Variants in LRRC4B observed in about 807,000 individuals in gnomAD.
LRRC4B encodes the protein leucine rich repeat containing 4B.
LRRC4B carries 1 observed loss-of-function variant against 7.3 expected under a neutral mutation model. The observed-to-expected ratio is 0.14, with a 90% CI of 0.05 to 0.65. The LOEUF (loss-of-function observed/expected upper bound fraction) is 0.65. Among genes scored for constraint, LRRC4B ranks in the 30% least tolerant of loss-of-function variants. The pLI is 0.84. For synonymous variants in LRRC4B, 500 were observed against 499.2 expected, an observed-to-expected ratio of 1.00 and a Z score of -0.02; for missense variants, 730 against 1,041.6, an observed-to-expected ratio of 0.70 and a Z score of 4.12.
rs898744588 is a variant in LRRC4B, at chr19:50,525,578, G to T, written c.298-6163C>A. On this transcript the variant is annotated intron_variant, in intron 2 of 2. Transcript: ENST00000652263. ...CCTCCACCACACCCGGCTAATTTTT[G>T]TATTTTTTTTTTTTTTTTTTAGTAG... Among the ~76,000 whole-genome samples the T allele has an allele frequency of 4.5e-3, 576 of 127,702 alleles. 4 individuals are homozygous for T. Among genetic ancestry groups the T allele is most frequent in the Non-Finnish European group, 7.6e-3 (440 of 58,272 alleles). 83.8% of individuals were successfully genotyped at this position (127,702 alleles called of 152,430 possible). A position where few individuals can be genotyped will look rare whatever the true frequency, so the allele number is the denominator to read the frequency against.
intron 1 of LRRC4B, among the ~76,000 whole-genome samples, chr19:50,567,036 G>C (rs1367473784): frequency 6.6e-6 from 1 of 151,502 alleles, no homozygotes; most frequent in Non-Finnish European, 1.5e-5. Context: ...GTCAGAGATG[G>C]GGGTTAGAGA....
rs968695517 is a variant in LRRC4B at position 50,555,131 on chromosome 19, T to C, written c.-35-6258A>G. 1.3e-5 allele frequency among the ~76,000 whole-genome samples: 2 copies of C among 152,210 alleles called. No homozygotes were observed. Among genetic ancestry groups the C allele is most frequent in the Non-Finnish European group, 2.9e-5 (2 of 68,034 alleles). On this transcript the variant is annotated intron_variant, in intron 1 of 2. Coordinates refer to ENST00000652263, the MANE Select transcript of LRRC4B (RefSeq NM_001080457.2). This position sits in a 1 kb window ranked among gnomAD's most constrained non-coding sequence, Gnocchi z 5.2. ...CACCCCTAGTAGTGATGGGAAATAC[T>C]GATTACATGTGGGTGCCATGCTATC...
intron 2 of LRRC4B, among the ~76,000 whole-genome samples, chr19:50,521,422 A>ATTATT (rs376597814): frequency 6.6e-4 from 100 of 151,992 alleles, no homozygotes; most frequent in South Asian, 4.2e-3. Flanking sequence ...CCAGTGATAC[A>ATTATT]TTATTTTATT....
Position 50,517,614 on chromosome 19 carries a change from A to C in LRRC4B, c.2099T>G (p.Phe700Cys), listed in dbSNP as rs1297623189. Residue 700 changes from phenylalanine to cysteine, a missense_variant, in exon 3 of 3, where the codon TTC (phenylalanine) becomes TGC (cysteine). Phe to Cys is a radical substitution (Grantham distance 205). Transcript: ENST00000652263. The surrounding 1 kb of genome is among the most constrained non-coding windows in gnomAD (Gnocchi z 6.6). ...GLNSIHEPLL[F>C]KSGSKENVQE... ...CACGTTCTCCTTGGAGCCGCTCTTG[A>C]AGAGCAGAGGTTCGTGGATGGAGTT... The C allele has an allele frequency of 6.8e-7, 1 of 1,471,764 alleles. No homozygotes were observed. Among genetic ancestry groups the C allele is most frequent in the African/African-American group, 1.5e-5 (1 of 67,468 alleles). 91.2% of individuals were successfully genotyped at this position (1,471,764 alleles called of 1,614,324 possible).
intron 2 of LRRC4B, among the ~76,000 whole-genome samples, chr19:50,543,807 T>G (rs1183788644): frequency 5.1e-5 from 7 of 136,708 alleles, no homozygotes; most frequent in Middle Eastern, 3.8e-3. Flanking sequence ...GAGCCAAGAC[T>G]GTACCACTGC....
chr19:50,552,623 TCCA>T lies in LRRC4B; in HGVS notation c.-35-3753_-35-3751del, dbSNP rs1568733877. Among the ~76,000 whole-genome samples, 938 of 111,378 alleles carry T rather than the reference TCCA, an allele frequency of 8.4e-3. 36 individuals are homozygous for T. Among genetic ancestry groups the T allele is most frequent in the African/African-American group, 0.03 (864 of 29,186 alleles). The allele number at this position is 111,378 out of a possible 152,430, so 73.1% of individuals were successfully genotyped here. A position where few individuals can be genotyped will look rare whatever the true frequency, so the allele number is the denominator to read the frequency against. Reference sequence around the variant, plus strand: ...ATCCATCCATCCATCCATCCATCCATCCATTCATCCATCCGCCCATCCGTCCAT... The same window carrying T: ...ATCCATCCATCCATCCATCCATCCATTTCATCCATCCGCCCATCCGTCCAT... On this transcript the variant is annotated intron_variant, in intron 1 of 2. Coordinates refer to ENST00000652263, the MANE Select transcript of LRRC4B (RefSeq NM_001080457.2).
intron 1 of LRRC4B, among the ~76,000 whole-genome samples, chr19:50,559,762 A>C (rs575598676): frequency 1.3e-5 from 2 of 152,370 alleles, no homozygotes; most frequent in African/African-American, 2.4e-5. Context: ...AAAAGTCATA[A>C]AAAGCTGAAA....
Position 50,518,976 on chromosome 19 carries a change from G to A in LRRC4B, c.737C>T (p.Pro246Leu). ...GCTGGTGAGACCCTGGAAGGAGCCC[G>A]GGCGGATCAGGTCCAGCCGGTTGCC... is the stretch of plus-strand genomic sequence containing the variant. ...LSGNRLDLIR[P>L]GSFQGLTSLR... The change falls in exon 3 of 3, where the codon CCG becomes CTG. Residue 246 changes from proline (P) to leucine (L), a missense_variant. Physicochemically the swap from Pro to Leu is moderately conservative, Grantham distance 98 (BLOSUM62 -3). Coordinates refer to ENST00000652263, the MANE Select transcript of LRRC4B (RefSeq NM_001080457.2). 1.9e-6 allele frequency: 3 copies of A among 1,613,270 alleles called. No individual in the cohort carries two copies. Among genetic ancestry groups the A allele is most frequent in the Non-Finnish European group, 8.5e-7 (1 of 1,179,814 alleles).
rs1980375629 is a variant in LRRC4B, at chr19:50,518,099, G to A, written c.1614C>T (p.Thr538=). The A allele has an allele frequency of 6.3e-7, 1 of 1,596,760 alleles. No individual in the cohort carries two copies. Among genetic ancestry groups the A allele is most frequent in the Non-Finnish European group, 8.5e-7 (1 of 1,174,602 alleles). The change falls in exon 3 of 3, where the codon ACC becomes ACT. Residue 538 remains threonine, a synonymous_variant. Transcript: ENST00000652263. ...GDAAGPASSS[T]TAPAPRSSRP... is the part of the protein sequence containing the mutation. ...GCGAGGAGCGCGGGGCGGGTGCCGTGGTAGAAGACGAGGCAGGGCCGGCCG... is the reference window on the plus strand; with the variant it reads ...GCGAGGAGCGCGGGGCGGGTGCCGTAGTAGAAGACGAGGCAGGGCCGGCCG...
rs142937089 is a variant in LRRC4B at position 50,544,909 on chromosome 19, G to T, written c.297+3633C>A. Among the ~76,000 whole-genome samples, 31 of 151,918 alleles carry T rather than the reference G, an allele frequency of 2.0e-4. No individual in the cohort carries two copies. In the East Asian group the frequency reaches 6.0e-3, roughly 29 times the overall value. On this transcript the variant is annotated intron_variant, in intron 2 of 2. Coordinates refer to ENST00000652263, the MANE Select transcript of LRRC4B (RefSeq NM_001080457.2). ...GTCTTCATAAAAAAGAAAAAAAATC[G>T]AGACCATCCTGGCTAACACGGTGAA... is the stretch of plus-strand genomic sequence containing the variant.
intron 1 of LRRC4B, among the ~76,000 whole-genome samples, chr19:50,565,624 T>C (rs1214773946): frequency 1.3e-5 from 2 of 151,950 alleles, no homozygotes; most frequent in African/African-American, 2.4e-5. Context: ...TCCCACTCTC[T>C]GTCGCTGACT....
chr19:50,545,991 TG>T (rs1555808134), intron 2 of LRRC4B, among the ~76,000 whole-genome samples: 1 of 151,584 alleles, frequency 6.6e-6, no homozygotes, highest in Non-Finnish European at 1.5e-5. Context: ...CCCAAAGTGC[TG>T]GGATTACAGG....
chr19:50,545,198 G>A (rs1023315600), intron 2 of LRRC4B, among the ~76,000 whole-genome samples: 4 of 150,668 alleles, frequency 2.7e-5, no homozygotes, highest in Non-Finnish European at 4.4e-5. Flanking sequence ...ATCTGAGGTC[G>A]GGAGTTCGAG....
intron 2 of LRRC4B, among the ~76,000 whole-genome samples, chr19:50,547,701 GC>G (rs1186922796): frequency 6.7e-6 from 1 of 149,512 alleles, no homozygotes; most frequent in Admixed American, 6.8e-5. Flanking sequence ...ACAGGACAGA[GC>G]CCCCCACCCT....
chr19:50,543,189 C>T (rs1055137625), intron 2 of LRRC4B, among the ~76,000 whole-genome samples: 3 of 152,200 alleles, frequency 2.0e-5, no homozygotes, highest in Admixed American at 6.5e-5. Flanking sequence ...GCTGGGGATC[C>T]GGCAGGGAAC....
At chr19:50,545,517 G>C (rs1002784480) in intron 2 of LRRC4B, among the ~76,000 whole-genome samples, 1 of 151,568 alleles carries the variant, frequency 6.6e-6, no homozygotes, top group African/African-American at 2.4e-5. Flanking sequence ...GGAAGTTAAG[G>C]CTGCAGGGAG....
rs1031487346 is a variant in LRRC4B, at chr19:50,563,133, T to A, written c.-36+4811A>T. On this transcript the variant is annotated intron_variant, in intron 1 of 2. Transcript: ENST00000652263. This position sits in a 1 kb window ranked among gnomAD's most constrained non-coding sequence, Gnocchi z 4.9. Reference sequence around the variant, plus strand: ...AGCAGCCCTCCTGGGGAAACAGCAGTCCCCTGGGCTCCCGCCTGCCTCCCG... The same window carrying A: ...AGCAGCCCTCCTGGGGAAACAGCAGACCCCTGGGCTCCCGCCTGCCTCCCG... 6.6e-6 allele frequency among the ~76,000 whole-genome samples: 1 copy of A among 151,514 alleles called. No individual in the cohort carries two copies. Among genetic ancestry groups the A allele is most frequent in the East Asian group, 1.9e-4 (1 of 5,154 alleles).
chr19:50,566,114 C>G (rs1269700174), intron 1 of LRRC4B, among the ~76,000 whole-genome samples: 1 of 148,470 alleles, frequency 6.7e-6, no homozygotes, highest in Non-Finnish European at 1.5e-5. Context: ...GAAGTGGAGG[C>G]TGCGGAAAGG....
rs576432220 is a variant in LRRC4B at position 50,518,312 on chromosome 19, G to A, written c.1401C>T (p.Gly467=). The A allele has an allele frequency of 8.7e-6, 14 of 1,604,880 alleles. No individual in the cohort carries two copies. In the East Asian group the frequency reaches 1.3e-4, roughly 15 times the overall value. Reference sequence around the variant, plus strand: ...CACCACTGCCCCCAGGGCCGCCCCCGCCGCTGCCGGTGCCCCCGGCCGCCA... The same window carrying A: ...CACCACTGCCCCCAGGGCCGCCCCCACCGCTGCCGGTGCCCCCGGCCGCCA... ...DPVAAGGTGS[G]GGGPGGSGGV... The change falls in exon 3 of 3, where the codon GGC becomes GGT. Residue 467 remains glycine, a synonymous_variant. Coordinates refer to ENST00000652263, the MANE Select transcript of LRRC4B (RefSeq NM_001080457.2).
Sources: allele counts gnomAD v4.1 joint callset (sites outside exome capture counted in the v4.1 genomes callset), GRCh38; gene constraint gnomAD v4.1.1; non-coding constraint Gnocchi (gnomAD v3.1); transcripts MANE v1.5; gene names NCBI Gene and HGNC (gene_info 2026-07-23, HGNC 2026-07-21).